TIMM23: variants seen among roughly 807,000 people sequenced by gnomAD.
The protein encoded by TIMM23 is translocase of inner mitochondrial membrane 23, also known as mitochondrial import inner membrane translocase subunit Tim23.
TIMM23 carries 19 observed loss-of-function variants against 30.7 expected under a neutral mutation model. The observed-to-expected ratio is 0.62, with a 90% CI of 0.43 to 0.91. The LOEUF (loss-of-function observed/expected upper bound fraction) is 0.91, where lower values mean the gene tolerates loss of function less well. Ranked by LOEUF, TIMM23 falls within the 40% of genes least tolerant of loss-of-function variation. TIMM23 has a pLI of 0.00. For synonymous variants in TIMM23, 78 were observed against 98.5 expected (o/e 0.79, Z 1.23); for missense variants, 202 against 269.2 (o/e 0.75, Z 1.75).
chr10:45,972,856 T>G, intron 1 of TIMM23, 126 bp downstream of exon 1: 1 of 1,520,210 alleles, frequency 6.6e-7, no homozygotes, highest in Non-Finnish European at 8.8e-7. Flanking sequence ...TAAGTACCAG[T>G]GGTGGGGTTA....
intron 4 of TIMM23, among the ~76,000 whole-genome samples, chr10:45,983,329 C>A: frequency 6.6e-6 from 1 of 152,172 alleles, no homozygotes; most frequent in Non-Finnish European, 1.5e-5. Flanking sequence ...GCTCAAGCTG[C>A]CATCATTTAA....
chr10:45,973,489 C>T (rs1554912320), intron 1 of TIMM23, among the ~76,000 whole-genome samples: 2 of 152,052 alleles, frequency 1.3e-5, no homozygotes, highest in Admixed American at 6.5e-5. Flanking sequence ...TTAGAGAATC[C>T]TTGTAATATT....
chr10:45,995,234 A>G (rs1838292614), intron 6 of TIMM23, among the ~76,000 whole-genome samples: 1 of 152,002 alleles, frequency 6.6e-6, no homozygotes. Context: ...TACTGCAAGA[A>G]GGTCCTTGCC....
intron 1 of TIMM23, among the ~76,000 whole-genome samples, chr10:45,975,198 C>T (rs1837630698): frequency 6.6e-6 from 1 of 152,176 alleles, no homozygotes; most frequent in African/African-American, 2.4e-5. Context: ...GTTCAAAAAT[C>T]AGATCTATGA....
chr10:45,972,762 T>C, intron 1 of TIMM23, 32 bp downstream of exon 1: 1 of 1,611,922 alleles, frequency 6.2e-7, no homozygotes. Flanking sequence ...CGATTATTTC[T>C]GACTGGTTTT....
chr10:45,989,624 T>G (rs1838097121), intron 6 of TIMM23, among the ~76,000 whole-genome samples: 2 of 152,188 alleles, frequency 1.3e-5, no homozygotes, highest in Non-Finnish European at 2.9e-5. Flanking sequence ...AATAGAATAT[T>G]CAGAATTGTT....
chr10:45,993,962 G>A (rs1564909827), intron 6 of TIMM23, among the ~76,000 whole-genome samples: 1 of 152,180 alleles, frequency 6.6e-6, no homozygotes, highest in African/African-American at 2.4e-5. Flanking sequence ...GGGTGTGGTG[G>A]TGCACTCCAG....
At chr10:45,979,087 A>G (rs1216048433) in intron 2 of TIMM23, among the ~76,000 whole-genome samples, 2 of 152,212 alleles carry the variant, frequency 1.3e-5, no homozygotes, top group Non-Finnish European at 2.9e-5. Context: ...AGGCAAATAT[A>G]TGGACAAGAA....
intron 6 of TIMM23, among the ~76,000 whole-genome samples, chr10:45,996,964 C>CAAAAAA (rs1467134430): frequency 5.4e-5 from 6 of 111,776 alleles, no homozygotes; most frequent in African/African-American, 1.1e-4. Flanking sequence ...GACCCTGTGT[C>CAAAAAA]AAACAAAAAA....
At chr10:45,976,535 C>G (rs1460072418) in intron 2 of TIMM23, among the ~76,000 whole-genome samples, 1 of 151,940 alleles carries the variant, frequency 6.6e-6, no homozygotes, top group African/African-American at 2.4e-5. Context: ...CGCTTGAACC[C>G]TGGAGACAAA....
At chr10:45,999,512 A>G (rs1288679869) in intron 6 of TIMM23, among the ~76,000 whole-genome samples, 2 of 151,876 alleles carry the variant, frequency 1.3e-5, no homozygotes, top group African/African-American at 4.8e-5. Context: ...AAAACCAGCA[A>G]GTTTTTATTA....
In TIMM23 at chr10:46,000,782, T is replaced by TAATCTGAAGTTGAATGTGTGG. The variant is rs1436999700; in HGVS notation, c.515-2420_515-2400dup. On this transcript the variant is annotated intron_variant, in intron 6 of 6. Transcript: ENST00000580018. Reference sequence around the variant, plus strand: ...TATTGACTTATAGGTTCAGGGGAGTTAATCTGAAGTTGAATGTGTGGTTAT... The same window carrying TAATCTGAAGTTGAATGTGTGG: ...TATTGACTTATAGGTTCAGGGGAGTTAATCTGAAGTTGAATGTGTGGAATCTGAAGTTGAATGTGTGGTTAT... Among the ~76,000 whole-genome samples, 12 of 152,348 alleles carry TAATCTGAAGTTGAATGTGTGG rather than the reference T, an allele frequency of 7.9e-5. No individual in the cohort carries two copies. The East Asian group carries it at 2.3e-3, about 29-fold the overall frequency.
At chr10:45,999,857 G>C (rs1838468797) in intron 6 of TIMM23, among the ~76,000 whole-genome samples, 1 of 152,238 alleles carries the variant, frequency 6.6e-6, no homozygotes, top group South Asian at 2.1e-4. Flanking sequence ...ACCCAGGGGG[G>C]CCATCTATAG....
intron 6 of TIMM23, among the ~76,000 whole-genome samples, chr10:45,989,133 C>G (rs1309277311): frequency 6.6e-6 from 1 of 152,182 alleles, no homozygotes; most frequent in Non-Finnish European, 1.5e-5. Context: ...CCTATTAAGC[C>G]TCCCAATTTA....
rs1554911943 is a variant in TIMM23, at chr10:45,972,630, A to G, written c.6A>G (p.Glu2=). M[E]GGGGSGNKTT... The stretch of plus-strand genomic sequence containing the variant: ...ACTCGGTTTGCTGCGATACCATGGA[A>G]GGAGGCGGGGGAAGCGGCAACAAAA... Residue 2 remains glutamate, a synonymous_variant, in exon 1 of 7, where the codon GAA becomes GAG. Transcript: ENST00000580018. 6.2e-6 allele frequency: 10 copies of G among 1,613,842 alleles called. No homozygotes were observed. In the South Asian group the frequency reaches 9.9e-5, roughly 16 times the overall value.
intron 6 of TIMM23, among the ~76,000 whole-genome samples, chr10:45,993,553 G>A (rs1357066682): frequency 6.6e-6 from 1 of 152,006 alleles, no homozygotes; most frequent in African/African-American, 2.4e-5. Context: ...GTCTGTCTCA[G>A]AATGAAATGA....
intron 4 of TIMM23, 40 bp from the exon 5 acceptor site, chr10:45,985,343 T>A (rs1837963428): frequency 8.7e-6 from 14 of 1,612,052 alleles, no homozygotes; most frequent in Non-Finnish European, 1.2e-5. Flanking sequence ...AGAGAAATAA[T>A]GATTCTAAAT....
At chr10:45,983,826 C>G (rs1837920450) in intron 4 of TIMM23, among the ~76,000 whole-genome samples, 1 of 152,198 alleles carries the variant, frequency 6.6e-6, no homozygotes, top group Non-Finnish European at 1.5e-5. Context: ...TCACTGTAGC[C>G]TTGACCTCCT....
At chr10:45,975,648 C>T (rs2132241101) in intron 2 of TIMM23, 136 bp downstream of exon 2, 2 of 1,135,414 alleles carry the variant, frequency 1.8e-6, no homozygotes, top group South Asian at 1.4e-5. Context: ...CTTTTTTCCT[C>T]ACAAACACCA....
Sources: gnomAD v4.1 joint callset for allele counts (sites outside exome capture counted in the v4.1 genomes callset) on GRCh38, gnomAD v4.1.1 for gene constraint, MANE v1.5 for transcripts, NCBI Gene and HGNC (gene_info 2026-07-23, HGNC 2026-07-21) for gene names.